The following CELF2 variants were observed in gnomAD, a reference collection of about 807,000 sequenced individuals.
The protein encoded by CELF2 is CUG triplet repeat RNA-binding protein 2.
Under a neutral mutation model 62.6 loss-of-function variants are expected in CELF2, and 8 were observed. The ratio of observed to expected loss-of-function variants is 0.13; its 90% CI spans 0.07 to 0.23. The LOEUF is 0.23. Ranked by LOEUF, CELF2 falls within the 10% of genes least tolerant of loss-of-function variation. The pLI is 1.00. For synonymous variants in CELF2, 258 were observed against 250.0 expected (o/e 1.03, Z -0.30); for missense variants, 333 against 671.0 (o/e 0.50, Z 5.56).
chr10:10,598,456 T>C, the CELF2 span, among the ~76,000 whole-genome samples: 36,962 of 152,110 alleles, frequency 0.24, 5,015 homozygotes, highest in South Asian at 0.51. Flanking sequence ...AACAGAAGCC[T>C]GGCCACTGCA....
chr10:10,749,865 T>C, the CELF2 span, among the ~76,000 whole-genome samples: 1 of 152,254 alleles, frequency 6.6e-6, no homozygotes, highest in Non-Finnish European at 1.5e-5. Context: ...CTGACTGTTC[T>C]AAATTGAAGC....
rs60798946 is a variant in CELF2, at chr10:11,280,989, C to CGTGTGTGT, written c.841+5894_841+5901dup. Among the ~76,000 whole-genome samples, 5,984 of 144,414 alleles carry CGTGTGTGT rather than the reference C, an allele frequency of 0.041. 268 individuals carry two copies. Among genetic ancestry groups the CGTGTGTGT allele is most frequent in the African/African-American group, 0.1 (3,987 of 38,892 alleles). 94.7% of individuals were successfully genotyped at this position (144,414 alleles called of 152,430 possible). A position where few individuals can be genotyped will look rare whatever the true frequency, so the allele number is the denominator to read the frequency against. On this transcript the variant is annotated intron_variant, in intron 8 of 12. Transcript: ENST00000633077. This position sits in a 1 kb window ranked among gnomAD's most constrained non-coding sequence, Gnocchi z 7.6. ...TGGCGTGCGTGTGCATGCCTGTGTG[C>CGTGTGTGT]GTGTGTGTGTGTGTGTGTGTGTGTG...
chr10:10,740,355 C>T, the CELF2 span, among the ~76,000 whole-genome samples: 22,578 of 151,896 alleles, frequency 0.15, 1,908 homozygotes, highest in Non-Finnish European at 0.18. Flanking sequence ...TCCAGTTTTC[C>T]CAGCACCACT....
At chr10:11,085,784 C>G (rs1245331339) in intron 1 of CELF2, among the ~76,000 whole-genome samples, 1 of 152,144 alleles carries the variant, frequency 6.6e-6, no homozygotes, top group Non-Finnish European at 1.5e-5. Flanking sequence ...TCATATTAAC[C>G]ACACAGTTAA....
chr10:11,266,797 A>T (rs1165537360), intron 6 of CELF2, 120 bp downstream of exon 6: 2 of 679,548 alleles, frequency 2.9e-6, no homozygotes, highest in Non-Finnish European at 4.9e-6. Context: ...TCACCATCTC[A>T]GTTTTCATTC....
chr10:11,096,659 A>T (rs2049963031), intron 1 of CELF2, among the ~76,000 whole-genome samples: 1 of 152,174 alleles, frequency 6.6e-6, no homozygotes, highest in Non-Finnish European at 1.5e-5. Flanking sequence ...ATCCCTCTTC[A>T]AAGAGTTTGA....
rs2136897237 is a variant in CELF2 at position 10,997,447 on chromosome 10, G to T, written c.89+77448G>T. Among the ~76,000 whole-genome samples the T allele has an allele frequency of 6.6e-6, 1 of 152,280 alleles. No individual in the cohort carries two copies. The highest frequency in any genetic ancestry group is 2.1e-4 in the South Asian group (1 of 4,814). On this transcript the variant is annotated intron_variant, in intron 2 of 13. Transcript: ENST00000636488. This position sits in a 1 kb window ranked among gnomAD's most constrained non-coding sequence, Gnocchi z 5.3. ...TTGGTCTCACCTTCCAGGAAGGAAGGCTGATGCACTCCACTGTGGTCTTTA... is the reference window on the plus strand; with the variant it reads ...TTGGTCTCACCTTCCAGGAAGGAAGTCTGATGCACTCCACTGTGGTCTTTA...
intron 1 of CELF2, chr10:11,092,474 G>A (rs1235270755): frequency 6.6e-6 from 1 of 152,154 alleles, no homozygotes; most frequent in Non-Finnish European, 1.5e-5. Flanking sequence ...GAAAAGAAAA[G>A]CAGATAGATT....
At chr10:11,262,349 G>A (rs999454877) in intron 5 of CELF2, among the ~76,000 whole-genome samples, 1 of 152,124 alleles carries the variant, frequency 6.6e-6, no homozygotes, top group African/African-American at 2.4e-5. Context: ...GACCAGCCTG[G>A]GCAAACACAG....
At chr10:10,657,160 G>T in the CELF2 span, among the ~76,000 whole-genome samples, 2 of 152,004 alleles carry the variant, frequency 1.3e-5, no homozygotes, top group African/African-American at 4.8e-5. Flanking sequence ...GACACAAAAG[G>T]CCAAATAATG....
At chr10:10,882,118 C>A (rs1166186497) in intron 1 of CELF2, among the ~76,000 whole-genome samples, 1 of 152,160 alleles carries the variant, frequency 6.6e-6, no homozygotes, top group African/African-American at 2.4e-5. Context: ...CCCCATTTCC[C>A]ACAGAATGGT....
intron 3 of CELF2, among the ~76,000 whole-genome samples, chr10:11,233,443 C>G (rs1268235409): frequency 6.6e-6 from 1 of 152,198 alleles, no homozygotes; most frequent in East Asian, 1.9e-4. Flanking sequence ...CCAGTGATCC[C>G]AGGCTTCCGC....
chr10:10,758,758 T>C, the CELF2 span, among the ~76,000 whole-genome samples: 3 of 152,274 alleles, frequency 2.0e-5, no homozygotes, highest in South Asian at 2.1e-4. Flanking sequence ...CAGTGTGTAA[T>C]TGACAGATTT....
At chr10:10,844,030 C>A (rs1167006287) in intron 1 of CELF2, among the ~76,000 whole-genome samples, 1 of 151,992 alleles carries the variant, frequency 6.6e-6, no homozygotes, top group Non-Finnish European at 1.5e-5. Flanking sequence ...CTCCGGGAAT[C>A]TGTCCTACCT....
At chr10:10,929,721 C>G (rs2065883054) in intron 2 of CELF2, 1 of 152,152 alleles carries the variant, frequency 6.6e-6, no homozygotes, top group African/African-American at 2.4e-5. Context: ...CCGTAAAGTG[C>G]TTAAAACAGT....
chr10:10,954,481 T>G (rs934893285), intron 2 of CELF2, among the ~76,000 whole-genome samples: 1 of 151,992 alleles, frequency 6.6e-6, no homozygotes, highest in Non-Finnish European at 1.5e-5. Context: ...CTCCTGACCT[T>G]GTGATCCGCC....
intron 1 of CELF2, among the ~76,000 whole-genome samples, chr10:11,132,244 A>C (rs1181162099): frequency 6.6e-6 from 1 of 152,210 alleles, no homozygotes; most frequent in African/African-American, 2.4e-5. Context: ...ACTTCTTGTA[A>C]AATATTTACT....
rs2095915689 is a variant in CELF2, at chr10:11,329,212, T to C, written c.*159T>C. 1 of 602,396 alleles carries C rather than the reference T, an allele frequency of 1.7e-6. No homozygotes were observed. The highest frequency in any genetic ancestry group is 4.8e-4 in the Middle Eastern group (1 of 2,080). 37.3% of individuals were successfully genotyped at this position (602,396 alleles called of 1,614,324 possible). A position where few individuals can be genotyped will look rare whatever the true frequency, so the allele number is the denominator to read the frequency against. ...ATAAGGCCTCCATGTCCCCACCCAC[T>C]TCCCCTACCCAGTTTGCCATAATTA... On this transcript the variant is annotated 3_prime_UTR_variant, in exon 13 of 13. Transcript: ENST00000633077. The surrounding 1 kb of genome is among the most constrained non-coding windows in gnomAD (Gnocchi z 5.5).
chr10:10,711,123 A>T, the CELF2 span, among the ~76,000 whole-genome samples: 1 of 152,132 alleles, frequency 6.6e-6, no homozygotes, highest in Non-Finnish European at 1.5e-5. Flanking sequence ...GCATCCTCCC[A>T]GTGTGAAAAG....
Sources: gnomAD v4.1 joint callset for allele counts (sites outside exome capture counted in the v4.1 genomes callset) on GRCh38, gnomAD v4.1.1 for gene constraint, Gnocchi (gnomAD v3.1) non-coding constraint, MANE v1.5 for transcripts, NCBI Gene and HGNC (gene_info 2026-07-23, HGNC 2026-07-21) for gene names.